PCGF6: variants seen among roughly 807,000 people sequenced by gnomAD.
The protein encoded by PCGF6 is polycomb group ring finger 6, also known as polycomb group RING finger protein 6.
Under a neutral mutation model 45.5 loss-of-function variants are expected in PCGF6, and 24 were observed. The observed-to-expected ratio is 0.53, with a 90% CI of 0.38 to 0.74. The LOEUF (loss-of-function observed/expected upper bound fraction) is 0.74. Ranked by LOEUF, PCGF6 falls within the 30% of genes least tolerant of loss-of-function variation. PCGF6 has a pLI of 0.00. For missense variants in PCGF6, 356 were observed against 443.2 expected (o/e 0.80, Z 1.77); for synonymous variants, 152 against 162.1 (o/e 0.94, Z 0.47).
At chr10:103,329,929 C>T (rs892854201) in intron 7 of PCGF6, among the ~76,000 whole-genome samples, 1 of 151,822 alleles carries the variant, frequency 6.6e-6, no homozygotes, top group Non-Finnish European at 1.5e-5. Flanking sequence ...CAGGCGCCTG[C>T]CACCATGCCC....
chr10:103,328,024 T>C (rs2093225722), intron 7 of PCGF6, among the ~76,000 whole-genome samples: 2 of 151,992 alleles, frequency 1.3e-5, no homozygotes, highest in Non-Finnish European at 2.9e-5. Context: ...TCTAGACACA[T>C]GTGGCTGGAA....
intron 6 of PCGF6, among the ~76,000 whole-genome samples, chr10:103,342,582 T>C (rs2093284844): frequency 6.6e-6 from 1 of 152,118 alleles, no homozygotes; most frequent in South Asian, 2.1e-4. Context: ...ACATAAAAAG[T>C]ATACGTGTAC....
chr10:103,324,574 A>T (rs2093209811), intron 8 of PCGF6, among the ~76,000 whole-genome samples: 1 of 150,080 alleles, frequency 6.7e-6, no homozygotes, highest in Non-Finnish European at 1.5e-5. Flanking sequence ...CTGACCAACA[A>T]CATGGTGAAA....
At chr10:103,325,911 T>C (rs2093216518) in intron 8 of PCGF6, among the ~76,000 whole-genome samples, 2 of 149,562 alleles carry the variant, frequency 1.3e-5, no homozygotes. Flanking sequence ...TAGTCCTAAC[T>C]ACTCAGGAGG....
At chr10:103,320,401 T>C (rs111614962) in intron 8 of PCGF6, among the ~76,000 whole-genome samples, 109 of 152,232 alleles carry the variant, frequency 7.2e-4, no homozygotes, top group African/African-American at 2.5e-3. Context: ...TAAGAACACA[T>C]GATGGCCGGG....
chr10:103,316,967 T>TA (rs1180961022), intron 8 of PCGF6, among the ~76,000 whole-genome samples: 1 of 152,154 alleles, frequency 6.6e-6, no homozygotes, highest in Non-Finnish European at 1.5e-5. Flanking sequence ...CTTAGATCCA[T>TA]AAAAAGTTAA....
At chr10:103,323,484 T>C (rs1238265599) in intron 8 of PCGF6, among the ~76,000 whole-genome samples, 1 of 152,140 alleles carries the variant, frequency 6.6e-6, no homozygotes, top group Admixed American at 6.6e-5. Flanking sequence ...TTAGTAGAGA[T>C]GCGGTTTACC....
chr10:103,349,151 G>A (rs1034548185), intron 1 of PCGF6, 152 bp from the exon 2 acceptor site: 1 of 650,268 alleles, frequency 1.5e-6, no homozygotes, highest in Non-Finnish European at 2.6e-6. Flanking sequence ...GGATTAAAGC[G>A]ATTCTCCTGT....
intron 6 of PCGF6, among the ~76,000 whole-genome samples, chr10:103,342,233 CTT>C (rs200373033): frequency 7.2e-6 from 1 of 138,960 alleles, no homozygotes. Context: ...TGCACCCGGA[CTT>C]TTTTTTTTTT....
intron 6 of PCGF6, among the ~76,000 whole-genome samples, chr10:103,335,991 G>A (rs2093255817): frequency 2.6e-5 from 4 of 151,682 alleles, no homozygotes; most frequent in Admixed American, 1.3e-4. Context: ...AAGAGGCCAG[G>A]CGCGGTGGCT....
chr10:103,336,375 C>T (rs2093257419), intron 6 of PCGF6, among the ~76,000 whole-genome samples: 1 of 150,552 alleles, frequency 6.6e-6, no homozygotes, highest in Non-Finnish European at 1.5e-5. Flanking sequence ...ACTGTAAATC[C>T]GTAAATGTAC....
intron 9 of PCGF6, 58 bp downstream of exon 9, chr10:103,314,128 C>T: frequency 2.0e-6 from 2 of 1,013,900 alleles, no homozygotes; most frequent in South Asian, 3.3e-5. Context: ...TTACTGATAA[C>T]ATGGATAACT....
At chr10:103,341,235 C>CA (rs1056464824) in intron 6 of PCGF6, among the ~76,000 whole-genome samples, 12 of 146,616 alleles carry the variant, frequency 8.2e-5, no homozygotes, top group African/African-American at 2.2e-4. Context: ...GTCTCAAAAA[C>CA]AAAAAAAAAT....
intron 9 of PCGF6, among the ~76,000 whole-genome samples, chr10:103,305,186 C>T (rs1338339328): frequency 1.3e-5 from 2 of 150,806 alleles, no homozygotes; most frequent in Non-Finnish European, 3.0e-5. Context: ...GTAACCCAGG[C>T]TGGTCTCAAA....
At chr10:103,305,332 G>A (rs1231143882) in intron 9 of PCGF6, among the ~76,000 whole-genome samples, 2 of 151,706 alleles carry the variant, frequency 1.3e-5, no homozygotes, top group Non-Finnish European at 2.9e-5. Flanking sequence ...GTGCAATGGC[G>A]CAATCTTGGC....
chr10:103,341,944 C>CT (rs1009411836), intron 6 of PCGF6, among the ~76,000 whole-genome samples: 21 of 149,274 alleles, frequency 1.4e-4, no homozygotes, highest in Middle Eastern at 6.9e-3. Context: ...TTAATATGTT[C>CT]TTTTTTTTTT....
At chr10:103,317,432 A>AT (rs2093180092) in intron 8 of PCGF6, among the ~76,000 whole-genome samples, 1 of 152,130 alleles carries the variant, frequency 6.6e-6, no homozygotes, top group Non-Finnish European at 1.5e-5. Context: ...AGATCTTTAA[A>AT]TTTTTTGTAA....
chr10:103,350,567 G>C, intron 1 of PCGF6, 140 bp downstream of exon 1: 1 of 791,800 alleles, frequency 1.3e-6, no homozygotes, highest in Non-Finnish European at 1.8e-6. Flanking sequence ...AGGCAGCCGG[G>C]GCAGAGGTCG....
intron 8 of PCGF6, 36 bp from the exon 9 acceptor site, chr10:103,314,308 G>A (rs1392272478): frequency 8.1e-7 from 1 of 1,232,834 alleles, no homozygotes; most frequent in Non-Finnish European, 1.2e-6. Context: ...TTGATTTCTT[G>A]CTTCAAAATA....
Sources: allele counts gnomAD v4.1 joint callset (sites outside exome capture counted in the v4.1 genomes callset), GRCh38; gene constraint gnomAD v4.1.1; transcripts MANE v1.5; gene names NCBI Gene and HGNC (gene_info 2026-07-23, HGNC 2026-07-21).